Variants in CFAP276 observed in about 807,000 individuals in gnomAD.
The protein encoded by CFAP276 is cilia and flagella associated protein 276, also known as cilia- and flagella-associated protein 276.
At chr1:109,108,130 G>T in the CFAP276 span, 4 of 912,716 alleles carry the variant, frequency 4.4e-6, no homozygotes, top group Non-Finnish European at 3.5e-6. Context: ...ATTCCATCCA[G>T]TTTTGTGTTT....
the CFAP276 span, chr1:109,113,765 A>G: frequency 1.4e-6 from 2 of 1,458,406 alleles, no homozygotes; most frequent in East Asian, 2.3e-5. Context: ...TAGAAAACGG[A>G]AATTTGTTGG....
the CFAP276 span, among the ~76,000 whole-genome samples, chr1:109,109,141 T>C: frequency 6.6e-6 from 1 of 152,154 alleles, no homozygotes; most frequent in Admixed American, 6.5e-5. Context: ...TTCCAGTGAG[T>C]GCAACTAACA....
chr1:109,107,647 G>A, the CFAP276 span, among the ~76,000 whole-genome samples: 2 of 151,944 alleles, frequency 1.3e-5, no homozygotes, highest in Admixed American at 6.6e-5. Flanking sequence ...CCAGCACTTC[G>A]GGAGGCTGAA....
At chr1:109,109,533 C>CTTTTT in the CFAP276 span, among the ~76,000 whole-genome samples, 3 of 114,968 alleles carry the variant, frequency 2.6e-5, no homozygotes, top group Non-Finnish European at 5.1e-5. Flanking sequence ...TGAGCCATAC[C>CTTTTT]TTTTTTTTTT....
At chr1:109,107,764 T>C in the CFAP276 span, among the ~76,000 whole-genome samples, 25,057 of 150,698 alleles carry the variant, frequency 0.17, 2,718 homozygotes, top group East Asian at 0.43. Context: ...CACATGCCTA[T>C]AGTTTCAGGA....
At chr1:109,106,913 T>C in the CFAP276 span, 1 of 987,896 alleles carries the variant, frequency 1.0e-6, no homozygotes, top group Non-Finnish European at 1.6e-6. Context: ...TACAAATGAG[T>C]ACCTAGTGAT....
the CFAP276 span, chr1:109,106,021 G>C: frequency 6.8e-6 from 11 of 1,609,006 alleles, no homozygotes; most frequent in African/African-American, 1.5e-4. Context: ...TCAGGGATCT[G>C]TCAACACTAG....
chr1:109,107,979 A>G, the CFAP276 span: 3 of 1,597,858 alleles, frequency 1.9e-6, no homozygotes, highest in South Asian at 1.1e-5. Flanking sequence ...GGTTGAGTTG[A>G]GCCGACTCCA....
At chr1:109,107,431 G>T in the CFAP276 span, among the ~76,000 whole-genome samples, 1 of 152,152 alleles carries the variant, frequency 6.6e-6, no homozygotes, top group Non-Finnish European at 1.5e-5. Flanking sequence ...GAATGAGAAG[G>T]TTTGTAAAAT....
the CFAP276 span, chr1:109,106,758 C>T: frequency 7.2e-7 from 1 of 1,382,066 alleles, no homozygotes; most frequent in South Asian, 1.4e-5. Context: ...ATAAAGCAGC[C>T]AAAGACTCTT....
the CFAP276 span, chr1:109,112,871 TG>T: frequency 2.2e-6 from 2 of 895,884 alleles, no homozygotes; most frequent in Non-Finnish European, 3.2e-6. Context: ...GGGAGGCCCC[TG>T]GGGAGGAAGC....
At chr1:109,108,081 A>G in the CFAP276 span, 1 of 1,400,598 alleles carries the variant, frequency 7.1e-7, no homozygotes, top group Non-Finnish European at 1.0e-6. Flanking sequence ...GTTATACGGG[A>G]AGCCTTGCTG....
the CFAP276 span, among the ~76,000 whole-genome samples, chr1:109,110,496 T>A: frequency 2.6e-5 from 4 of 152,334 alleles, no homozygotes; most frequent in East Asian, 7.7e-4. Flanking sequence ...TTCCCTCAAA[T>A]GCCCTCACCA....
chr1:109,108,698 T>C, the CFAP276 span, among the ~76,000 whole-genome samples: 2 of 152,006 alleles, frequency 1.3e-5, no homozygotes, highest in Non-Finnish European at 2.9e-5. Context: ...AGGTAGAAAA[T>C]TGGAAGTGTA....
At chr1:109,106,830 T>G in the CFAP276 span, 15 of 911,360 alleles carry the variant, frequency 1.6e-5, 1 homozygote, top group South Asian at 2.6e-4. Context: ...CTTGGGAGAT[T>G]TCTGTTCATC....
At chr1:109,110,776 T>G in the CFAP276 span, among the ~76,000 whole-genome samples, 1 of 152,208 alleles carries the variant, frequency 6.6e-6, no homozygotes, top group Non-Finnish European at 1.5e-5. Flanking sequence ...ACTATTGACC[T>G]TCACTTAAAT....
chr1:109,112,585 A>G, the CFAP276 span: 2 of 1,550,088 alleles, frequency 1.3e-6, no homozygotes, highest in South Asian at 1.2e-5. Flanking sequence ...AATCTGCGCA[A>G]GAAACCACAG....
chr1:109,111,255 C>T, the CFAP276 span, among the ~76,000 whole-genome samples: 1 of 152,156 alleles, frequency 6.6e-6, no homozygotes, highest in East Asian at 1.9e-4. Flanking sequence ...TCACTTGAGG[C>T]TAGGAGTTTG....
the CFAP276 span, among the ~76,000 whole-genome samples, chr1:109,108,229 G>A: frequency 6.6e-6 from 1 of 152,054 alleles, no homozygotes; most frequent in Non-Finnish European, 1.5e-5. Context: ...TGCAACCTCT[G>A]TCTCTTGGGT....
Sources: gnomAD v4.1 joint callset for allele counts (sites outside exome capture counted in the v4.1 genomes callset) on GRCh38, gnomAD v4.1.1 for gene constraint, MANE v1.5 for transcripts, NCBI Gene and HGNC (gene_info 2026-07-23, HGNC 2026-07-21) for gene names.